The following CSMD3 variants were observed in gnomAD, a reference collection of about 807,000 sequenced individuals.
CSMD3 encodes CUB and Sushi multiple domains 3.
Under a neutral mutation model 435.2 loss-of-function variants are expected in CSMD3, and 177 were observed. That is an observed-to-expected ratio of 0.41 (90% CI 0.36 to 0.46). The LOEUF (loss-of-function observed/expected upper bound fraction) is 0.46, where lower values mean the gene tolerates loss of function less well. Among genes scored for constraint, CSMD3 ranks in the 20% least tolerant of loss-of-function variants. CSMD3 has a pLI of 0.34. For missense variants in CSMD3, 4,265 were observed against 4,504.6 expected (o/e 0.95, Z 1.52); for synonymous variants, 1,656 against 1,520.5 (o/e 1.09, Z -2.07).
At chr8:112,821,985 C>G (rs186047630) in intron 12 of CSMD3, among the ~76,000 whole-genome samples, 14 of 152,184 alleles carry the variant, frequency 9.2e-5, no homozygotes, top group African/African-American at 1.2e-4. Context: ...TTTCTGAGCT[C>G]TCTGTTATGT....
chr8:113,402,099 T>C (rs2094512702), intron 1 of CSMD3, among the ~76,000 whole-genome samples: 1 of 151,576 alleles, frequency 6.6e-6, no homozygotes, highest in Non-Finnish European at 1.5e-5. Flanking sequence ...GAATTGTCTT[T>C]GCTTCAGGGA....
At chr8:112,830,148 G>C (rs572603569) in intron 11 of CSMD3, among the ~76,000 whole-genome samples, 60 of 152,110 alleles carry the variant, frequency 3.9e-4, no homozygotes, top group African/African-American at 1.3e-3. Flanking sequence ...TTTATAAAAA[G>C]TATATGTAGG....
Position 112,440,159 on chromosome 8 carries a change from A to G in CSMD3, c.5396-31127T>C, listed in dbSNP as rs1814838541. On this transcript the variant is annotated intron_variant, in intron 32 of 70. Coordinates refer to ENST00000297405, the MANE Select transcript of CSMD3 (RefSeq NM_198123.2). ...GTTACTTCCTAAATACAATCGGGTTACAGGCATTTAGTAAATGTATCAGTT... is the reference window on the plus strand; with the variant it reads ...GTTACTTCCTAAATACAATCGGGTTGCAGGCATTTAGTAAATGTATCAGTT... Among the ~76,000 whole-genome samples the G allele has an allele frequency of 2.0e-5, 3 of 152,238 alleles. 1 individual carries two copies. The South Asian group carries it at 6.2e-4, about 32-fold the overall frequency.
Position 113,173,926 on chromosome 8 carries a change from A to G in CSMD3, c.515-10T>C, listed in dbSNP as rs1229824783. On this transcript the variant is annotated splice_polypyrimidine_tract_variant and intron_variant, in intron 3 of 70. Coordinates refer to ENST00000297405, the MANE Select transcript of CSMD3 (RefSeq NM_198123.2). The stretch of plus-strand genomic sequence containing the variant: ...GAGCTACTCTGCAATTCTATTAAAA[A>G]GGAGGAAAAGGAGAGTTTACAGTTA... 2.5e-6 allele frequency: 4 copies of G among 1,592,884 alleles called. No homozygotes were observed. In the African/African-American group the frequency reaches 4.0e-5, roughly 16 times the overall value.
intron 11 of CSMD3, among the ~76,000 whole-genome samples, chr8:112,830,977 C>T (rs1403819968): frequency 2.6e-5 from 4 of 151,698 alleles, no homozygotes; most frequent in East Asian, 1.9e-4. Flanking sequence ...TTAATAGAGA[C>T]GGGGTTTCAC....
At chr8:112,633,308 CAA>C (rs34351999) in intron 22 of CSMD3, among the ~76,000 whole-genome samples, 72,738 of 151,478 alleles carry the variant, frequency 0.48, 18,009 homozygotes, top group African/African-American at 0.58. Flanking sequence ...CCAACTTTAT[CAA>C]AGTCTCCAGT....
At chr8:112,329,817 T>C (rs1183054994) in intron 45 of CSMD3, among the ~76,000 whole-genome samples, 1 of 152,140 alleles carries the variant, frequency 6.6e-6, no homozygotes, top group Non-Finnish European at 1.5e-5. Context: ...AATTAAGTAG[T>C]CATTTAAGTC....
At chr8:112,778,326 T>A (rs2078296256) in intron 13 of CSMD3, among the ~76,000 whole-genome samples, 1 of 151,930 alleles carries the variant, frequency 6.6e-6, no homozygotes, top group Non-Finnish European at 1.5e-5. Flanking sequence ...ATATTATGTA[T>A]CATAGCTTTA....
chr8:112,347,158 T>C (rs558025457), intron 40 of CSMD3, among the ~76,000 whole-genome samples: 1 of 152,292 alleles, frequency 6.6e-6, no homozygotes, highest in East Asian at 1.9e-4. Context: ...GGAATCCCTA[T>C]TATACGGTTT....
At chr8:112,293,520 G>T (rs1033170462) in intron 54 of CSMD3, among the ~76,000 whole-genome samples, 24 of 151,906 alleles carry the variant, frequency 1.6e-4, no homozygotes, top group Non-Finnish European at 2.9e-5. Flanking sequence ...ATACACAAAG[G>T]CTGCATTAGG....
At chr8:113,149,927 T>C (rs550722457) in intron 4 of CSMD3, among the ~76,000 whole-genome samples, 2 of 151,910 alleles carry the variant, frequency 1.3e-5, no homozygotes, top group Non-Finnish European at 2.9e-5. Context: ...TCCTAACAAA[T>C]AGGTCAATCT....
chr8:112,728,115 G>T (rs1050904220), intron 13 of CSMD3, among the ~76,000 whole-genome samples: 6 of 151,832 alleles, frequency 4.0e-5, no homozygotes, highest in East Asian at 1.9e-4. Flanking sequence ...AATGCAGATT[G>T]TTGGGAAGAA....
intron 6 of CSMD3, among the ~76,000 whole-genome samples, chr8:112,992,658 G>C (rs1309312433): frequency 2.0e-5 from 3 of 151,768 alleles, no homozygotes; most frequent in African/African-American, 4.8e-5. Context: ...GGGAATTACA[G>C]GTTTGTAGGC....
intron 38 of CSMD3, 131 bp downstream of exon 38, chr8:112,380,221 A>G (rs1177469746): frequency 1.7e-6 from 1 of 577,574 alleles, no homozygotes; most frequent in Admixed American, 3.0e-5. Flanking sequence ...GTAATAGTTC[A>G]AACTTTCAAG....
intron 4 of CSMD3, among the ~76,000 whole-genome samples, chr8:113,170,088 C>T (rs1047644362): frequency 6.6e-6 from 1 of 152,108 alleles, no homozygotes; most frequent in African/African-American, 2.4e-5. Flanking sequence ...AAGGTTTCAT[C>T]AAGGAGAGAC....
At chr8:112,718,058 AT>A (rs2076772628) in intron 13 of CSMD3, among the ~76,000 whole-genome samples, 1 of 152,168 alleles carries the variant, frequency 6.6e-6, no homozygotes, top group South Asian at 2.1e-4. Flanking sequence ...CTGCACATGT[AT>A]CTCAGAACTT....
At chr8:112,810,030 C>A (rs1357789515) in intron 12 of CSMD3, among the ~76,000 whole-genome samples, 1 of 152,078 alleles carries the variant, frequency 6.6e-6, no homozygotes, top group Non-Finnish European at 1.5e-5. Context: ...AGTGATTTTC[C>A]ACTAACTCAC....
chr8:112,752,192 T>C (rs2077585712), intron 13 of CSMD3, among the ~76,000 whole-genome samples: 1 of 152,174 alleles, frequency 6.6e-6, no homozygotes, highest in African/African-American at 2.4e-5. Context: ...CCTTTCTTCA[T>C]AAGGCTTCCA....
chr8:113,116,213 C>G (rs1472787492), intron 4 of CSMD3, among the ~76,000 whole-genome samples: 1 of 152,162 alleles, frequency 6.6e-6, no homozygotes, highest in Non-Finnish European at 1.5e-5. Flanking sequence ...TTGTAGTTCC[C>G]ATAATCACCA....
Sources: allele counts gnomAD v4.1 joint callset (sites outside exome capture counted in the v4.1 genomes callset), GRCh38; gene constraint gnomAD v4.1.1; transcripts MANE v1.5; gene names NCBI Gene and HGNC (gene_info 2026-07-23, HGNC 2026-07-21).